NPR3: variants seen among roughly 807,000 people sequenced by gnomAD.
NPR3 encodes natriuretic peptide receptor 3.
A neutral mutation model predicts 54.5 loss-of-function variants in NPR3; 34 were observed. The observed-to-expected ratio is 0.62, with a 90% CI of 0.47 to 0.83. The LOEUF is 0.83. NPR3 is among the 40% of genes least tolerant of loss of function. NPR3 has a pLI of 0.00. For synonymous variants in NPR3, 289 were observed against 297.1 expected, an observed-to-expected ratio of 0.97 and a Z score of 0.28; for missense variants, 674 against 720.8, an observed-to-expected ratio of 0.94 and a Z score of 0.74.
rs1339425482 is a variant in NPR3 at position 32,787,189 on chromosome 5, A to G, written c.*844A>G. 2.0e-5 allele frequency: 3 copies of G among 152,638 alleles called. No homozygotes were observed. Among genetic ancestry groups the G allele is most frequent in the Admixed American group, 1.3e-4 (2 of 15,276 alleles). 9.5% of individuals were successfully genotyped at this position (152,638 alleles called of 1,614,324 possible). On this transcript the variant is annotated 3_prime_UTR_variant, in exon 8 of 8. Coordinates refer to ENST00000265074, the MANE Select transcript of NPR3 (RefSeq NM_001204375.2). ...GTACAACAAACCAATAATGATAAAA[A>G]ATACTTCTCTTTTTCTCCCTGTTTC...
At chr5:32,707,263 G>A (rs1192001016), upstream of NPR3, among the ~76,000 whole-genome samples, 1 of 152,060 alleles carries the variant, frequency 6.6e-6, no homozygotes, top group Non-Finnish European at 1.5e-5. Flanking sequence ...ACATTTAGCT[G>A]CAGCTTCTGA....
chr5:32,777,797 A>G (rs1742137000), intron 4 of NPR3, among the ~76,000 whole-genome samples: 1 of 152,130 alleles, frequency 6.6e-6, no homozygotes, highest in Non-Finnish European at 1.5e-5. Context: ...GACCTCCAGG[A>G]TTATCTTGTT....
At chr5:32,786,022 G>A (rs1006325373) in intron 7 of NPR3, among the ~76,000 whole-genome samples, 8 of 152,226 alleles carry the variant, frequency 5.3e-5, no homozygotes, top group Non-Finnish European at 1.2e-4. Flanking sequence ...GGCTTGTTCT[G>A]TGGTATTTGG....
chr5:32,739,176 TGTGTG>T, intron 3 of NPR3, 146 bp downstream of exon 3: 2 of 700,268 alleles, frequency 2.9e-6, no homozygotes, highest in Admixed American at 6.6e-5. Flanking sequence ...TGTGTGTGTG[TGTGTG>T]TGTTTTTTTT....
intron 1 of NPR3, among the ~76,000 whole-genome samples, chr5:32,695,444 A>G (rs914453848): frequency 1.3e-5 from 2 of 151,590 alleles, no homozygotes; most frequent in Admixed American, 6.6e-5. Context: ...AATTTTTTGT[A>G]CTTTTAGTAG....
chr5:32,721,977 C>T (rs912773805), intron 1 of NPR3, among the ~76,000 whole-genome samples: 1 of 152,152 alleles, frequency 6.6e-6, no homozygotes, highest in Non-Finnish European at 1.5e-5. Context: ...TTAGGGGACC[C>T]AACCTGGTGA....
At position 32,787,652 on chromosome 5, in the gene NPR3, C is replaced by T. The variant is rs1032160723; in HGVS notation, c.*1307C>T. Reference sequence around the variant, plus strand: ...AGAACTTTGTAGGCATCCATGAATACCTGTAATAGTGGGTTAGGTGTGGAG... The same window carrying T: ...AGAACTTTGTAGGCATCCATGAATATCTGTAATAGTGGGTTAGGTGTGGAG... On this transcript the variant is annotated 3_prime_UTR_variant, in exon 8 of 8. Transcript: ENST00000265074. 1 of 152,164 alleles carries T rather than the reference C, an allele frequency of 6.6e-6. No individual in the cohort carries two copies. Among genetic ancestry groups the T allele is most frequent in the East Asian group, 1.9e-4 (1 of 5,200 alleles). The allele number at this position is 152,164 out of a possible 1,614,324, so 9.4% of individuals were successfully genotyped here. A position where few individuals can be genotyped will look rare whatever the true frequency, so the allele number is the denominator to read the frequency against.
rs1383126130 is a variant in NPR3, at chr5:32,788,238, TG to T, written c.*1894del. The T allele has an allele frequency of 6.6e-6, 1 of 152,248 alleles. No homozygotes were observed. The highest frequency in any genetic ancestry group is 2.4e-5 in the African/African-American group (1 of 41,460). 9.4% of individuals were successfully genotyped at this position (152,248 alleles called of 1,614,324 possible). ...GAAACAACTATGTTGTAGTTCTCCA[TG>T]CTGGATGCAAAGGAAAAAGTGTCGA... On this transcript the variant is annotated 3_prime_UTR_variant, in exon 8 of 8. Coordinates refer to ENST00000265074, the MANE Select transcript of NPR3 (RefSeq NM_001204375.2).
chr5:32,714,024 C>T (rs1361769898), intron 1 of NPR3, among the ~76,000 whole-genome samples: 1 of 152,238 alleles, frequency 6.6e-6, no homozygotes, highest in Non-Finnish European at 1.5e-5. Flanking sequence ...CCCACATCTA[C>T]ACTCCCAAGT....
intron 3 of NPR3, among the ~76,000 whole-genome samples, chr5:32,745,160 C>T (rs1389365885): frequency 2.0e-5 from 3 of 151,994 alleles, no homozygotes; most frequent in East Asian, 1.9e-4. Context: ...GTACACAAAG[C>T]GAAGTATTCA....
At chr5:32,773,167 A>G (rs1741862089) in intron 3 of NPR3, among the ~76,000 whole-genome samples, 1 of 152,168 alleles carries the variant, frequency 6.6e-6, no homozygotes, top group African/African-American at 2.4e-5. Context: ...GTGGTCATCT[A>G]CAGAATGCCC....
chr5:32,739,628 C>T (rs1026492072), intron 3 of NPR3, among the ~76,000 whole-genome samples: 2 of 152,144 alleles, frequency 1.3e-5, no homozygotes, highest in African/African-American at 4.8e-5. Flanking sequence ...AGAGTCAGAA[C>T]CTCATTTCAG....
chr5:32,753,481 T>C (rs1477510534), intron 3 of NPR3, among the ~76,000 whole-genome samples: 1 of 152,178 alleles, frequency 6.6e-6, no homozygotes, highest in Non-Finnish European at 1.5e-5. Flanking sequence ...AAAGAACATG[T>C]ATCAGCTCCA....
upstream of NPR3, chr5:32,710,756 A>G (rs767330771): frequency 3.0e-5 from 46 of 1,548,046 alleles, no homozygotes; most frequent in Non-Finnish European, 7.0e-6. Flanking sequence ...TCGGTGCTTC[A>G]GGAGGGAATG....
chr5:32,769,825 C>T (rs141713727), intron 3 of NPR3, among the ~76,000 whole-genome samples: 3 of 152,302 alleles, frequency 2.0e-5, no homozygotes, highest in East Asian at 1.9e-4. Flanking sequence ...AGGCCGGCAG[C>T]GTTCTATGCT....
Position 32,782,888 on chromosome 5 carries a change from T to C in NPR3, c.1291-5T>C, listed in dbSNP as rs1338104599. ...TTTGTCTATTTGTTTTTTGCCTCTA[T>C]ATAGGTTATTGGTGATTATTTTGGA... is the stretch of plus-strand genomic sequence containing the variant. On this transcript the variant is annotated splice_polypyrimidine_tract_variant and splice_region_variant and intron_variant, in intron 5 of 7. Coordinates refer to ENST00000265074, the MANE Select transcript of NPR3 (RefSeq NM_001204375.2). 3 of 1,607,602 alleles carry C rather than the reference T, an allele frequency of 1.9e-6. No individual in the cohort carries two copies. In the South Asian group the frequency reaches 3.3e-5, roughly 18 times the overall value.
intron 3 of NPR3, among the ~76,000 whole-genome samples, chr5:32,764,422 T>C (rs2112022042): frequency 6.6e-6 from 1 of 152,236 alleles, no homozygotes; most frequent in South Asian, 2.1e-4. Flanking sequence ...TTGTCTCTTC[T>C]TTTGAGGGTC....
chr5:32,780,810 C>T lies in NPR3; in HGVS notation c.1284C>T (p.Thr428=), dbSNP rs745435073. 1 of 1,523,442 alleles carries T rather than the reference C, an allele frequency of 6.6e-7. No homozygotes were observed. The highest frequency in any genetic ancestry group is 1.4e-5 in the African/African-American group (1 of 73,152). The allele number at this position is 1,523,442 out of a possible 1,614,324, so 94.4% of individuals were successfully genotyped here. A position where few individuals can be genotyped will look rare whatever the true frequency, so the allele number is the denominator to read the frequency against. ...VIAMTDVEAG[T]QEVIGDYFGK... ...CCATGACTGATGTGGAGGCGGGCAC[C>T]CAGGAGGTGAGCACGTGAGACCTCT... is the stretch of plus-strand genomic sequence containing the variant. The change falls in exon 5 of 8, where the codon ACC becomes ACT. Residue 428 remains threonine, a synonymous_variant. Coordinates refer to ENST00000265074, the MANE Select transcript of NPR3 (RefSeq NM_001204375.2).
At position 32,716,115 on chromosome 5, in the gene NPR3, A is replaced by C. The variant is rs186138404; in HGVS notation, c.769+3570A>C. The stretch of plus-strand genomic sequence containing the variant: ...ATGGAGCTTTATGAACAACAGAAAT[A>C]AAGATGCAATCTCCATTTTGCAAAC... On this transcript the variant is annotated intron_variant, in intron 1 of 7. Transcript: ENST00000265074. Among the ~76,000 whole-genome samples, 593 of 152,352 alleles carry C rather than the reference A, an allele frequency of 3.9e-3. 4 individuals carry two copies. Among genetic ancestry groups the C allele is most frequent in the African/African-American group, 0.014 (570 of 41,578 alleles).
Sources: allele counts gnomAD v4.1 joint callset (sites outside exome capture counted in the v4.1 genomes callset), GRCh38; gene constraint gnomAD v4.1.1; transcripts MANE v1.5; gene names NCBI Gene and HGNC (gene_info 2026-07-23, HGNC 2026-07-21).